The following IMPA2 variants were observed in gnomAD, a reference collection of about 807,000 sequenced individuals.
IMPA2 encodes IMP 2.
Under a neutral mutation model 35.1 loss-of-function variants are expected in IMPA2, and 32 were observed. The ratio of observed to expected loss-of-function variants is 0.91; its 90% CI spans 0.69 to 1.23. The LOEUF is 1.23. IMPA2 is among the 50% of genes most tolerant of loss of function. IMPA2 has a pLI of 0.00. For missense variants in IMPA2, 334 were observed against 387.6 expected (o/e 0.86, Z 1.16); for synonymous variants, 135 against 160.6 (o/e 0.84, Z 1.20).
chr18:12,007,620 TTTTCTTTCTTCTTTCTTTC>T (rs1907294910), intron 2 of IMPA2, among the ~76,000 whole-genome samples: 1 of 112,508 alleles, frequency 8.9e-6, no homozygotes, highest in Non-Finnish European at 1.8e-5. Flanking sequence ...CTTTCTTTCT[TTTTCTTTCTTCTTTCTTTC>T]TTTCTTTCTT....
At chr18:12,003,861 C>T (rs35653670) in intron 2 of IMPA2, among the ~76,000 whole-genome samples, 12,338 of 152,154 alleles carry the variant, frequency 0.081, 720 homozygotes, top group East Asian at 0.29. Context: ...TCAGTAGCAT[C>T]CCTGAGCTAT....
chr18:12,021,077 T>C (rs1313198471), intron 5 of IMPA2, among the ~76,000 whole-genome samples: 3 of 152,220 alleles, frequency 2.0e-5, no homozygotes, highest in African/African-American at 7.2e-5. Context: ...CTCTTCATTG[T>C]TTTTGTGAAG....
At position 12,012,220 on chromosome 18, in the gene IMPA2, G is replaced by A. The variant is rs374265594; in HGVS notation, c.381+5G>A. The A allele has an allele frequency of 5.6e-6, 9 of 1,613,786 alleles. No homozygotes were observed. The highest frequency in any genetic ancestry group is 7.6e-6 in the Non-Finnish European group (9 of 1,179,776). On this transcript the variant is annotated splice_donor_5th_base_variant and intron_variant, in intron 4 of 7. Coordinates refer to ENST00000269159, the MANE Select transcript of IMPA2 (RefSeq NM_014214.3). ...GGATTTGCTGTTCGACAAGAGGTGC[G>A]GGTGTGGCCCAGGTCCCCAGGGCCC...
chr18:11,994,113 G>T (rs555095834), intron 1 of IMPA2: 3 of 152,240 alleles, frequency 2.0e-5, no homozygotes, highest in African/African-American at 7.2e-5. Context: ...AGTGGCTCAC[G>T]TCTTAATCCC....
chr18:11,985,443 T>G (rs604420), intron 1 of IMPA2, among the ~76,000 whole-genome samples: 43,018 of 152,152 alleles, frequency 0.28, 8,202 homozygotes, highest in African/African-American at 0.55. Flanking sequence ...TTGCTTGGCT[T>G]ATTGAAATTT....
chr18:11,995,614 AC>A, intron 1 of IMPA2, among the ~76,000 whole-genome samples: 1 of 152,242 alleles, frequency 6.6e-6, no homozygotes, highest in South Asian at 2.1e-4. Context: ...TGCTGGGGAG[AC>A]GCATGGTCAC....
chr18:12,014,347 A>G lies in IMPA2; in HGVS notation c.464A>G (p.Gln155Arg), dbSNP rs1907518494. The change falls in exon 5 of 8, where the codon CAG (glutamine) becomes CGG (arginine). Residue 155 changes from glutamine to arginine, a missense_variant. Physicochemically the swap from Gln to Arg is conservative, Grantham distance 43 (BLOSUM62 1). Coordinates refer to ENST00000269159, the MANE Select transcript of IMPA2 (RefSeq NM_014214.3). ...GGTCGGGGCGCCTTCTGCAATGGCC[A>G]GCGGCTCCGGGTCTCCGGGGAGACA... is the stretch of plus-strand genomic sequence containing the variant. ...RRGRGAFCNGQRLRVSGETDL... is the reference protein window; with the variant it reads ...RRGRGAFCNGRRLRVSGETDL... 1 of 1,603,070 alleles carries G rather than the reference A, an allele frequency of 6.2e-7. No individual in the cohort carries two copies. The highest frequency in any genetic ancestry group is 1.3e-5 in the African/African-American group (1 of 74,376).
At chr18:11,992,368 CTG>C (rs1305791955) in intron 1 of IMPA2, among the ~76,000 whole-genome samples, 3 of 152,236 alleles carry the variant, frequency 2.0e-5, no homozygotes, top group African/African-American at 4.8e-5. Context: ...GCGTGCTGCT[CTG>C]TGGATGATGC....
At position 12,014,351 on chromosome 18, in the gene IMPA2, GCTCCGGGT is replaced by G; in HGVS notation, c.476_483del (p.Val159GlyfsTer18). 1 of 1,598,990 alleles carries G rather than the reference GCTCCGGGT, an allele frequency of 6.3e-7. No individual in the cohort carries two copies. The highest frequency in any genetic ancestry group is 8.5e-7 in the Non-Finnish European group (1 of 1,172,468). On this transcript the variant is annotated frameshift_variant, in exon 5 of 8. Transcript: ENST00000269159. LOFTEE classifies it high-confidence loss of function. ...GGGGCGCCTTCTGCAATGGCCAGCGGCTCCGGGTCTCCGGGGAGACAGGTGGGCTTCAC... is the reference window on the plus strand; with the variant it reads ...GGGGCGCCTTCTGCAATGGCCAGCGGCTCCGGGGAGACAGGTGGGCTTCAC...
chr18:12,009,024 A>C (rs1907358973), intron 2 of IMPA2, among the ~76,000 whole-genome samples: 1 of 141,038 alleles, frequency 7.1e-6, no homozygotes, highest in Non-Finnish European at 1.5e-5. Context: ...GGAGCGTCCC[A>C]GCCTCTCTCC....
At chr18:12,009,477 G>C (rs1036670341) in intron 2 of IMPA2, among the ~76,000 whole-genome samples, 2 of 152,140 alleles carry the variant, frequency 1.3e-5, no homozygotes, top group Non-Finnish European at 2.9e-5. Flanking sequence ...TTGACTGGGA[G>C]AATCAAAGTC....
In IMPA2 at chr18:12,007,557, C is replaced by T. The variant is rs112110733; in HGVS notation, c.231-2326C>T. ...CCAAACACCAGAACATGGGACGCTT[C>T]TTTCTTTCTTTCCTTCTTTTCTTTC... On this transcript the variant is annotated intron_variant, in intron 2 of 7. Coordinates refer to ENST00000269159, the MANE Select transcript of IMPA2 (RefSeq NM_014214.3). Among the ~76,000 whole-genome samples the T allele has an allele frequency of 5.1e-3, 764 of 150,748 alleles. 9 individuals carry two copies. The highest frequency in any genetic ancestry group is 0.017 in the African/African-American group (696 of 40,682).
chr18:11,981,694 G>A lies in IMPA2; in HGVS notation c.25G>A (p.Ala9Thr). 3.3e-6 allele frequency: 4 copies of A among 1,230,698 alleles called. No homozygotes were observed. Among genetic ancestry groups the A allele is most frequent in the Non-Finnish European group, 4.1e-6 (4 of 987,022 alleles). The allele number at this position is 1,230,698 out of a possible 1,614,324, so 76.2% of individuals were successfully genotyped here. ...GATGAAGCCGAGCGGCGAGGACCAGGCGGCGCTGGCGGCCGGCCCCTGGGA... is the reference window on the plus strand; with the variant it reads ...GATGAAGCCGAGCGGCGAGGACCAGACGGCGCTGGCGGCCGGCCCCTGGGA... Reference protein sequence around the residue: MKPSGEDQAALAAGPWEEC... With the variant: MKPSGEDQTALAAGPWEEC... The change falls in exon 1 of 8, where the codon GCG becomes ACG. Residue 9 changes from alanine (A) to threonine (T), a missense_variant. Ala to Thr is a moderately conservative substitution (Grantham distance 58, BLOSUM62 0). Transcript: ENST00000269159.
chr18:12,013,969 T>C (rs1267192837), intron 4 of IMPA2, among the ~76,000 whole-genome samples: 1 of 152,252 alleles, frequency 6.6e-6, no homozygotes, highest in Admixed American at 6.5e-5. Context: ...TTAAGCTTTT[T>C]CAATAACTTC....
chr18:11,999,221 A>AC, intron 2 of IMPA2, 34 bp downstream of exon 2: 1 of 1,601,016 alleles, frequency 6.2e-7, no homozygotes, highest in Non-Finnish European at 8.5e-7. Context: ...ACCCCCAGTA[A>AC]CCCTGGCCAC....
intron 1 of IMPA2, 58 bp downstream of exon 1, chr18:11,981,823 G>T: frequency 9.0e-7 from 1 of 1,109,516 alleles, no homozygotes; most frequent in Non-Finnish European, 1.1e-6. Context: ...TGGGCCTTGG[G>T]AGCCGCCTGG....
chr18:12,019,848 A>T (rs760721471), intron 5 of IMPA2, among the ~76,000 whole-genome samples: 2 of 152,056 alleles, frequency 1.3e-5, no homozygotes, highest in Non-Finnish European at 2.9e-5. Flanking sequence ...TCAGGCTTAC[A>T]GTGTTAGATA....
At chr18:11,984,885 G>A (rs1391984417) in intron 1 of IMPA2, among the ~76,000 whole-genome samples, 1 of 150,928 alleles carries the variant, frequency 6.6e-6, no homozygotes, top group African/African-American at 2.4e-5. Context: ...GGAGAATGGC[G>A]TGAACCCGGG....
intron 5 of IMPA2, among the ~76,000 whole-genome samples, chr18:12,016,178 T>C (rs1907573020): frequency 6.6e-6 from 1 of 152,260 alleles, no homozygotes; most frequent in African/African-American, 2.4e-5. Flanking sequence ...GGTATTCTTC[T>C]GTTCCCTACA....
Sources: allele counts gnomAD v4.1 joint callset (sites outside exome capture counted in the v4.1 genomes callset), GRCh38; gene constraint gnomAD v4.1.1; transcripts MANE v1.5; gene names NCBI Gene and HGNC (gene_info 2026-07-23, HGNC 2026-07-21).